Variants in KIAA1671 observed in about 807,000 individuals in gnomAD.
KIAA1671 encodes KIAA1671.
A neutral mutation model predicts 131.2 loss-of-function variants in KIAA1671; 52 were observed. That is an observed-to-expected ratio of 0.40 (90% CI 0.32 to 0.50). The LOEUF (loss-of-function observed/expected upper bound fraction) is 0.50, where lower values mean the gene tolerates loss of function less well. KIAA1671 is among the 20% of genes least tolerant of loss of function. The pLI is 0.73. For synonymous variants in KIAA1671, 1,003 were observed against 961.6 expected (o/e 1.04, Z -0.80); for missense variants, 2,360 against 2,364.2 (o/e 1.00, Z 0.04).
intron 1 of KIAA1671, among the ~76,000 whole-genome samples, chr22:25,003,279 C>T (rs750996191): frequency 1.3e-5 from 2 of 151,952 alleles, no homozygotes; most frequent in Non-Finnish European, 2.9e-5. Context: ...TGAAGCATTT[C>T]ATATAGAAAC....
At chr22:25,191,953 A>G (rs1934683379) in intron 12 of KIAA1671, among the ~76,000 whole-genome samples, 1 of 152,142 alleles carries the variant, frequency 6.6e-6, no homozygotes, top group African/African-American at 2.4e-5. Flanking sequence ...GTGGTGTTAC[A>G]TATGTATATA....
chr22:25,079,773 G>A (rs1485444176), intron 6 of KIAA1671, among the ~76,000 whole-genome samples: 1 of 152,154 alleles, frequency 6.6e-6, no homozygotes, highest in Non-Finnish European at 1.5e-5. Context: ...TAAGGACTGT[G>A]CCTCGTGCTT....
At chr22:25,093,960 G>T (rs1206388129) in intron 6 of KIAA1671, among the ~76,000 whole-genome samples, 1 of 150,530 alleles carries the variant, frequency 6.6e-6, no homozygotes, top group Non-Finnish European at 1.5e-5. Context: ...CCCCCGCCTT[G>T]CCTCCCAGGA....
At chr22:25,091,619 G>A (rs1259781980) in intron 6 of KIAA1671, among the ~76,000 whole-genome samples, 6 of 152,176 alleles carry the variant, frequency 3.9e-5, no homozygotes, top group African/African-American at 9.7e-5. Context: ...AAACTAAAGC[G>A]AGGCGGAACT....
chr22:24,991,663 G>A (rs1423692974), intron 1 of KIAA1671, among the ~76,000 whole-genome samples: 2 of 139,126 alleles, frequency 1.4e-5, no homozygotes, highest in Admixed American at 7.4e-5. Flanking sequence ...GGGTTTTACC[G>A]TGTTAGCCAG....
At chr22:25,182,314 TCTCCTTCCTTTTCTCTTCTTTCTTTC>T (rs1601390444) in intron 10 of KIAA1671, among the ~76,000 whole-genome samples, 1 of 147,352 alleles carries the variant, frequency 6.8e-6, no homozygotes, top group East Asian at 2.1e-4. Flanking sequence ...TCCCTCCCTT[TCTCCTTCCTTTTCTCTTCTTTCTTTC>T]CTCCCTCCCT....
At chr22:25,070,149 C>T (rs1023244243) in intron 6 of KIAA1671, 6 of 380,334 alleles carry the variant, frequency 1.6e-5, no homozygotes, top group Admixed American at 4.5e-5. Flanking sequence ...ATGCCCCGGG[C>T]GGGGCTCATA....
chr22:24,961,086 G>A (rs140138666), intron 1 of KIAA1671, among the ~76,000 whole-genome samples: 66 of 152,248 alleles, frequency 4.3e-4, no homozygotes, highest in African/African-American at 1.5e-3. Context: ...TCAGTTCACT[G>A]CAGTCTCAAC....
At chr22:25,023,445 G>A (rs1377253267) in intron 1 of KIAA1671, 2 of 152,168 alleles carry the variant, frequency 1.3e-5, no homozygotes, top group African/African-American at 2.4e-5. Flanking sequence ...TAGCCTCTCC[G>A]TGAGTGGGCT....
At position 25,177,327 on chromosome 22, in the gene KIAA1671, TCCTC is replaced by T. The variant is rs1470941838; in HGVS notation, c.4900-17_4900-14del. 6.5e-7 allele frequency: 1 copy of T among 1,533,790 alleles called. No homozygotes were observed. On this transcript the variant is annotated splice_polypyrimidine_tract_variant and intron_variant, in intron 8 of 12. Coordinates refer to ENST00000358431, the MANE Select transcript of KIAA1671 (RefSeq NM_001145206.2). Reference sequence around the variant, plus strand: ...ATGGTTCCCTTGATTTTTTTCCTCTTCCTCCCTGCTGCTCCCAAAGCAAACCTCA... The same window carrying T: ...ATGGTTCCCTTGATTTTTTTCCTCTTCCTGCTGCTCCCAAAGCAAACCTCA...
chr22:25,105,830 G>A (rs1930977368), intron 6 of KIAA1671, among the ~76,000 whole-genome samples: 1 of 146,636 alleles, frequency 6.8e-6, no homozygotes, highest in East Asian at 2.1e-4. Context: ...GGGGGGGGGG[G>A]GTGCCAAACT....
chr22:25,127,135 A>G (rs1932217614), intron 6 of KIAA1671, among the ~76,000 whole-genome samples: 1 of 152,132 alleles, frequency 6.6e-6, no homozygotes, highest in Non-Finnish European at 1.5e-5. Flanking sequence ...CAGTTTCCCC[A>G]TCTGTTAAAA....
chr22:25,048,529 A>G (rs1490367338), intron 5 of KIAA1671, among the ~76,000 whole-genome samples: 1 of 152,138 alleles, frequency 6.6e-6, no homozygotes, highest in Non-Finnish European at 1.5e-5. Flanking sequence ...TGTGTTCTTA[A>G]GCAGCTCCCT....
intron 6 of KIAA1671, chr22:25,062,200 TCCTCCTCTTCCC>T (rs201447739): frequency 0.015 from 2,290 of 153,226 alleles, 25 homozygotes; most frequent in Middle Eastern, 0.033. Flanking sequence ...CTCCTCTTCC[TCCTCCTCTTCCC>T]CCTCCTTTTC....
intron 6 of KIAA1671, among the ~76,000 whole-genome samples, chr22:25,132,413 C>A (rs1932482416): frequency 6.6e-6 from 1 of 152,170 alleles, no homozygotes; most frequent in Admixed American, 6.5e-5. Context: ...AGAAAGAACA[C>A]AGGCTGTGCA....
intron 9 of KIAA1671, chr22:25,179,207 G>C (rs1002001986): frequency 5.0e-5 from 59 of 1,170,376 alleles, no homozygotes; most frequent in Middle Eastern, 2.8e-4. Context: ...GGGCGGGGGT[G>C]GGGGAGGAGG....
Position 25,181,305 on chromosome 22 carries a change from A to G in KIAA1671, c.5075-394A>G, listed in dbSNP as rs1486729695. ...TTTGGGCCGCCTTTCCACAAGACAC[A>G]TGAAGCTCTCCACATTCTCCTCTGA... On this transcript the variant is annotated intron_variant, in intron 9 of 12. Coordinates refer to ENST00000358431, the MANE Select transcript of KIAA1671 (RefSeq NM_001145206.2). 1.3e-5 allele frequency among the ~76,000 whole-genome samples: 2 copies of G among 152,210 alleles called. 1 individual carries two copies. The highest frequency in any genetic ancestry group is 4.8e-5 in the African/African-American group (2 of 41,444).
chr22:25,175,921 T>C (rs1316857302), intron 8 of KIAA1671: 1 of 152,176 alleles, frequency 6.6e-6, no homozygotes, highest in Non-Finnish European at 1.5e-5. Context: ...ATACTGAGGT[T>C]TATGTATGGT....
intron 6 of KIAA1671, among the ~76,000 whole-genome samples, chr22:25,103,594 G>A (rs1339048409): frequency 1.3e-5 from 2 of 152,196 alleles, no homozygotes; most frequent in Non-Finnish European, 2.9e-5. Context: ...TCCTGACCTC[G>A]TGATCTGCCT....
Sources: gnomAD v4.1 joint callset for allele counts (sites outside exome capture counted in the v4.1 genomes callset) on GRCh38, gnomAD v4.1.1 for gene constraint, MANE v1.5 for transcripts, NCBI Gene and HGNC (gene_info 2026-07-23, HGNC 2026-07-21) for gene names.